Variants in ATG4C observed in about 807,000 individuals in gnomAD.
The protein encoded by ATG4C is autophagy related 4C cysteine peptidase, also known as cysteine protease ATG4C.
In ATG4C, 56 loss-of-function variants were observed where a neutral mutation model predicts 57.6. The ratio of observed to expected loss-of-function variants is 0.97; its 90% CI spans 0.78 to 1.21. The LOEUF (loss-of-function observed/expected upper bound fraction) is 1.21, where lower values mean the gene tolerates loss of function less well. Among genes scored for constraint, ATG4C ranks in the 50% most tolerant of loss-of-function variants. ATG4C has a pLI of 0.00. For missense variants in ATG4C, 595 were observed against 529.8 expected (o/e 1.12, Z -1.21); for synonymous variants, 157 against 174.1 (o/e 0.90, Z 0.78).
intron 10 of ATG4C, among the ~76,000 whole-genome samples, chr1:62,861,069 G>T (rs1251944251): frequency 1.3e-5 from 2 of 152,178 alleles, no homozygotes; most frequent in African/African-American, 2.4e-5. Context: ...AGTAGCTTCA[G>T]TGTAGCTTTA....
At chr1:62,855,067 G>C (rs1666642503) in intron 10 of ATG4C, among the ~76,000 whole-genome samples, 1 of 151,064 alleles carries the variant, frequency 6.6e-6, no homozygotes. Flanking sequence ...TGGAGAGGGG[G>C]GTGAAGAAGG....
intron 10 of ATG4C, among the ~76,000 whole-genome samples, chr1:62,861,207 AAT>A (rs1666840904): frequency 1.3e-5 from 2 of 152,158 alleles, no homozygotes; most frequent in African/African-American, 4.8e-5. Flanking sequence ...TTTTTTAAAT[AAT>A]AGTTTTCTCC....
chr1:62,838,640 C>T (rs909609215), intron 9 of ATG4C, among the ~76,000 whole-genome samples: 1 of 151,906 alleles, frequency 6.6e-6, no homozygotes, highest in Non-Finnish European at 1.5e-5. Context: ...ATTAGCTGGG[C>T]GTGGTGGTGC....
rs556575086 is a variant in ATG4C, at chr1:62,854,971, A to G, written c.1210-9021A>G. Among the ~76,000 whole-genome samples, 16 of 151,776 alleles carry G rather than the reference A, an allele frequency of 1.1e-4. No individual in the cohort carries two copies. The East Asian group carries it at 2.9e-3, about 28-fold the overall frequency. On this transcript the variant is annotated intron_variant, in intron 10 of 10. Coordinates refer to ENST00000317868, the MANE Select transcript of ATG4C (RefSeq NM_032852.4). ...TAATTATTCAGCTTCTGAAGTCATC[A>G]CTGTGTCTGGTGTACTGGAGTTCAT...
At chr1:62,843,700 T>C (rs1202997361) in intron 10 of ATG4C, among the ~76,000 whole-genome samples, 1 of 152,212 alleles carries the variant, frequency 6.6e-6, no homozygotes, top group Non-Finnish European at 1.5e-5. Flanking sequence ...ATTCAGTGTT[T>C]AGCAGAATTC....
intron 1 of ATG4C, among the ~76,000 whole-genome samples, chr1:62,801,958 CAAAAAAAAAAAAAAA>C (rs60298362): frequency 7.7e-5 from 4 of 51,890 alleles, no homozygotes; most frequent in African/African-American, 2.5e-4. Context: ...ACTCTGTCTC[CAAAAAAAAAAAAAAA>C]AAAAAAAAAA....
chr1:62,805,329 T>C (rs1352316032), intron 3 of ATG4C, 74 bp downstream of exon 3: 6 of 1,378,780 alleles, frequency 4.4e-6, no homozygotes, highest in Non-Finnish European at 4.7e-6. Flanking sequence ...ATTTTATTTC[T>C]AGATTAATCT....
intron 10 of ATG4C, among the ~76,000 whole-genome samples, chr1:62,854,021 A>G (rs1006832565): frequency 4.6e-5 from 7 of 151,596 alleles, no homozygotes; most frequent in African/African-American, 1.5e-4. Flanking sequence ...CCTTCTACCT[A>G]TTCTGTTGTT....
In ATG4C at chr1:62,864,095, T is replaced by G; in HGVS notation, c.1313T>G (p.Leu438Arg). ...TCTACTACAACCAATGAAGAAGACC[T>G]TTTTTCAGAGGATGAAAAGAAACAA... is the stretch of plus-strand genomic sequence containing the variant. The part of the protein sequence containing the change: ...FTSTTTNEED[L>R]FSEDEKKQLK... The change falls in exon 11 of 11, where the codon CTT (leucine) becomes CGT (arginine). Residue 438 changes from leucine (L) to arginine (R), a missense_variant. Physicochemically the swap from Leu to Arg is moderately radical, Grantham distance 102. Transcript: ENST00000317868. The G allele has an allele frequency of 6.2e-7, 1 of 1,607,298 alleles. No individual in the cohort carries two copies. The highest frequency in any genetic ancestry group is 1.1e-5 in the South Asian group (1 of 89,848).
intron 1 of ATG4C, among the ~76,000 whole-genome samples, chr1:62,801,976 A>G (rs1263320767): frequency 1.4e-5 from 2 of 146,550 alleles, no homozygotes; most frequent in African/African-American, 5.1e-5. Context: ...AAAAAAAAAA[A>G]AAAAAAAAAG....
At chr1:62,797,323 T>C (rs985956222) in intron 1 of ATG4C, among the ~76,000 whole-genome samples, 3 of 152,188 alleles carry the variant, frequency 2.0e-5, no homozygotes, top group African/African-American at 7.2e-5. Context: ...GTATATGCCA[T>C]AATTTAGTCA....
intron 7 of ATG4C, among the ~76,000 whole-genome samples, chr1:62,831,091 G>A (rs966203962): frequency 2.6e-5 from 4 of 152,022 alleles, no homozygotes; most frequent in Non-Finnish European, 4.4e-5. Context: ...ACATTTTCTC[G>A]AGCTTTTACT....
At chr1:62,820,544 A>G (rs1294820461) in intron 5 of ATG4C, among the ~76,000 whole-genome samples, 1 of 152,112 alleles carries the variant, frequency 6.6e-6, no homozygotes, top group African/African-American at 2.4e-5. Flanking sequence ...ATCACCGTTT[A>G]TAGATATTGT....
chr1:62,814,364 A>G (rs1193532104), intron 3 of ATG4C, among the ~76,000 whole-genome samples: 1 of 152,172 alleles, frequency 6.6e-6, no homozygotes, highest in Non-Finnish European at 1.5e-5. Flanking sequence ...CAAACACTGC[A>G]TGTTCTCACT....
At chr1:62,816,883 C>A in intron 4 of ATG4C, 75 bp downstream of exon 4, 1 of 1,119,486 alleles carries the variant, frequency 8.9e-7, no homozygotes, top group Non-Finnish European at 1.2e-6. Context: ...TGAATTCCAG[C>A]TTACAAACTG....
rs60298362 is a variant in ATG4C at position 62,801,958 on chromosome 1, CAAAAAAAAAAA to C, written c.-68-1744_-68-1734del. On this transcript the variant is annotated intron_variant, in intron 1 of 10. Coordinates refer to ENST00000317868, the MANE Select transcript of ATG4C (RefSeq NM_032852.4). ...GGGGGACAGAGCAAGACTCTGTCTC[CAAAAAAAAAAA>C]AAAAAAAAAAAAAAAAGAAAAAAAG... Among the ~76,000 whole-genome samples the C allele has an allele frequency of 5.6e-4, 29 of 51,894 alleles. 1 individual carries two copies. Among genetic ancestry groups the C allele is most frequent in the African/African-American group, 1.6e-3 (25 of 16,042 alleles). 34.0% of individuals were successfully genotyped at this position (51,894 alleles called of 152,430 possible). A position where few individuals can be genotyped will look rare whatever the true frequency, so the allele number is the denominator to read the frequency against.
chr1:62,841,733 A>G (rs1277980519), intron 10 of ATG4C, among the ~76,000 whole-genome samples, 186 bp downstream of exon 10: 1 of 152,192 alleles, frequency 6.6e-6, no homozygotes, highest in East Asian at 1.9e-4. Context: ...GGCAAATGAA[A>G]TCTAGTGACA....
intron 3 of ATG4C, among the ~76,000 whole-genome samples, chr1:62,809,907 G>C (rs545346002): frequency 1.3e-5 from 2 of 152,082 alleles, no homozygotes; most frequent in African/African-American, 4.8e-5. Flanking sequence ...TTGAAGGTTC[G>C]ATGATATCAA....
At chr1:62,801,498 C>T (rs937772350) in intron 1 of ATG4C, among the ~76,000 whole-genome samples, 8 of 152,076 alleles carry the variant, frequency 5.3e-5, no homozygotes, top group South Asian at 4.1e-4. Flanking sequence ...AATGGCAGGG[C>T]GTGGTGGCTC....
Sources: gnomAD v4.1 joint callset for allele counts (sites outside exome capture counted in the v4.1 genomes callset) on GRCh38, gnomAD v4.1.1 for gene constraint, MANE v1.5 for transcripts, NCBI Gene and HGNC (gene_info 2026-07-23, HGNC 2026-07-21) for gene names.